Variants in FGGY observed in about 807,000 individuals in gnomAD.
The protein encoded by FGGY is FGGY carbohydrate kinase domain containing.
FGGY carries 72 observed loss-of-function variants against 71.3 expected under a neutral mutation model. That is an observed-to-expected ratio of 1.01 (90% CI 0.84 to 1.23). FGGY has a LOEUF of 1.23. Ranked by LOEUF, FGGY falls within the 50% of genes most tolerant of loss-of-function variation. The pLI, the probability that FGGY is intolerant of heterozygous loss-of-function variation, is 0.00. For missense variants in FGGY, 668 were observed against 682.3 expected (o/e 0.98, Z 0.23); for synonymous variants, 251 against 250.3 (o/e 1.00, Z -0.02).
rs555704622 is a variant in FGGY at position 59,476,640 on chromosome 1, A to C, written c.670+19564A>C. Among the ~76,000 whole-genome samples, 3 of 152,378 alleles carry C rather than the reference A, an allele frequency of 2.0e-5. No individual in the cohort carries two copies. In the East Asian group the frequency reaches 5.8e-4, roughly 29 times the overall value. On this transcript the variant is annotated intron_variant, in intron 6 of 15. Transcript: ENST00000303721. ...GGCCCCAGGGCCCCAGATGAAAAAC[A>C]TAATTTAAAGCCAGTGAATTTGAGA...
chr1:59,311,968 T>C (rs546828415), intron 1 of FGGY, among the ~76,000 whole-genome samples: 2 of 152,340 alleles, frequency 1.3e-5, no homozygotes, highest in South Asian at 4.1e-4. Flanking sequence ...TAGTATCTCG[T>C]TTTGGTTTTG....
At chr1:59,430,477 G>T (rs143947995) in intron 5 of FGGY, among the ~76,000 whole-genome samples, 1 of 152,198 alleles carries the variant, frequency 6.6e-6, no homozygotes, top group Non-Finnish European at 1.5e-5. Context: ...GTATGCTCAT[G>T]GGCCCTGCAT....
At chr1:59,373,924 A>C (rs1256386066) in intron 4 of FGGY, among the ~76,000 whole-genome samples, 3 of 152,344 alleles carry the variant, frequency 2.0e-5, no homozygotes, top group East Asian at 3.9e-4. Context: ...TAAAGACTTA[A>C]ACGTTAGACC....
At chr1:59,439,317 AT>A (rs1234835846) in intron 5 of FGGY, among the ~76,000 whole-genome samples, 2 of 152,186 alleles carry the variant, frequency 1.3e-5, no homozygotes, top group African/African-American at 4.8e-5. Flanking sequence ...AGAAACAACT[AT>A]TTTCATGAAT....
intron 5 of FGGY, among the ~76,000 whole-genome samples, chr1:59,410,468 A>G (rs572405118): frequency 1.3e-5 from 2 of 152,310 alleles, no homozygotes; most frequent in Non-Finnish European, 2.9e-5. Context: ...CTCTTACAAT[A>G]AAATTATGTT....
chr1:59,673,984 C>T (rs763024557), intron 13 of FGGY, 55 bp from the exon 14 acceptor site: 8 of 1,534,580 alleles, frequency 5.2e-6, no homozygotes, highest in Non-Finnish European at 6.3e-6. Flanking sequence ...CTTGTTGGCT[C>T]CTCACACTCC....
rs551385143 is a variant in FGGY, at chr1:59,611,719, C to T, written c.1011+3809C>T. Among the ~76,000 whole-genome samples the T allele has an allele frequency of 2.6e-5, 4 of 152,156 alleles. No individual in the cohort carries two copies. In the East Asian group the frequency reaches 7.7e-4, roughly 29 times the overall value. On this transcript the variant is annotated intron_variant, in intron 9 of 15. Transcript: ENST00000303721. ...CTGCTCCGAGCTAAAGGAGGAAGTT[C>T]GAACCCATGGCAAAGAAGTTAAAAA...
At chr1:59,319,934 TC>T (rs2046096533) in intron 1 of FGGY, among the ~76,000 whole-genome samples, 1 of 152,190 alleles carries the variant, frequency 6.6e-6, no homozygotes, top group Admixed American at 6.5e-5. Context: ...TCTGTTTTTA[TC>T]TGTTTTGTTT....
rs1221505170 is a variant in FGGY at position 59,667,384 on chromosome 1, A to T, written c.1398A>T (p.Gln466His). The T allele has an allele frequency of 1.6e-5, 26 of 1,614,110 alleles. No homozygotes were observed. Among genetic ancestry groups the T allele is most frequent in the Non-Finnish European group, 2.2e-5 (26 of 1,179,996 alleles). ...GGLSKNPLFVQMHADITGMPV... is the reference protein window; with the variant it reads ...GGLSKNPLFVHMHADITGMPV... ...TCAGCAAGAATCCCCTTTTTGTGCAAATGCATGCGGACATTACTGGTAAGT... is the reference window on the plus strand; with the variant it reads ...TCAGCAAGAATCCCCTTTTTGTGCATATGCATGCGGACATTACTGGTAAGT... Residue 466 changes from glutamine (Q) to histidine (H), a missense_variant, in exon 13 of 16, where the codon CAA (glutamine) becomes CAT (histidine). Physicochemically the swap from Gln to His is conservative, Grantham distance 24. Around this residue, in one of 2 missense-constraint regions of FGGY, gnomAD observed 661 missense variants for 661.6 expected, o/e 1.00. Coordinates refer to ENST00000303721, the MANE Select transcript of FGGY (RefSeq NM_018291.5).
chr1:59,557,144 A>C (rs1265634881), intron 8 of FGGY, among the ~76,000 whole-genome samples: 3 of 152,128 alleles, frequency 2.0e-5, no homozygotes, highest in African/African-American at 7.2e-5. Context: ...GTCTGAGGAA[A>C]CACTCCCAGG....
chr1:59,642,029 A>C (rs1286862883), intron 11 of FGGY, among the ~76,000 whole-genome samples: 1 of 152,064 alleles, frequency 6.6e-6, no homozygotes, highest in Admixed American at 6.5e-5. Context: ...CTTTCAGTTC[A>C]TTCCATTTGA....
chr1:59,556,872 A>T (rs1376915410), intron 8 of FGGY, among the ~76,000 whole-genome samples: 2 of 152,126 alleles, frequency 1.3e-5, no homozygotes, highest in African/African-American at 4.8e-5. Context: ...GGGCAGCTGC[A>T]GTTGGTTGCG....
At chr1:59,602,156 A>T (rs958347826) in intron 8 of FGGY, among the ~76,000 whole-genome samples, 13 of 152,240 alleles carry the variant, frequency 8.5e-5, no homozygotes, top group African/African-American at 2.9e-4. Flanking sequence ...AATTGATTTT[A>T]TAGCTAAGGA....
intron 14 of FGGY, among the ~76,000 whole-genome samples, chr1:59,747,221 G>A (rs1274837266): frequency 6.6e-6 from 1 of 152,130 alleles, no homozygotes; most frequent in Non-Finnish European, 1.5e-5. Context: ...TTTTTACTTT[G>A]AGAAATCCAT....
At chr1:59,672,173 G>A (rs2097385297) in intron 13 of FGGY, among the ~76,000 whole-genome samples, 1 of 152,180 alleles carries the variant, frequency 6.6e-6, no homozygotes, top group South Asian at 2.1e-4. Flanking sequence ...CCTGTAGTGT[G>A]GCCTGGCATC....
At chr1:59,510,912 G>A (rs1395291247) in intron 6 of FGGY, among the ~76,000 whole-genome samples, 1 of 152,126 alleles carries the variant, frequency 6.6e-6, no homozygotes, top group Non-Finnish European at 1.5e-5. Flanking sequence ...ATACTTAAAA[G>A]TTTTTCAGTA....
intron 14 of FGGY, among the ~76,000 whole-genome samples, chr1:59,718,836 C>T (rs2097863364): frequency 6.6e-6 from 1 of 152,214 alleles, no homozygotes; most frequent in African/African-American, 2.4e-5. Context: ...CTGAGGCTTT[C>T]ACTACTTTCC....
At chr1:59,339,616 C>T (rs1215528554) in intron 2 of FGGY, among the ~76,000 whole-genome samples, 1 of 152,008 alleles carries the variant, frequency 6.6e-6, no homozygotes, top group Non-Finnish European at 1.5e-5. Context: ...AGGCACACAC[C>T]ACCATGCCTG....
intron 9 of FGGY, among the ~76,000 whole-genome samples, chr1:59,613,920 C>A (rs2096719844): frequency 1.3e-5 from 2 of 152,196 alleles, no homozygotes; most frequent in South Asian, 4.1e-4. Flanking sequence ...AATTCCTGGA[C>A]ACATATACCC....
Sources: gnomAD v4.1 joint callset for allele counts (sites outside exome capture counted in the v4.1 genomes callset) on GRCh38, gnomAD v4.1.1 for gene constraint, gnomAD v4.1.1 regional missense constraint, MANE v1.5 for transcripts, NCBI Gene and HGNC (gene_info 2026-07-23, HGNC 2026-07-21) for gene names.